Variants in ESRP2 observed in about 807,000 individuals in gnomAD.
ESRP2 encodes epithelial splicing regulatory protein 2.
Under a neutral mutation model 78.6 loss-of-function variants are expected in ESRP2, and 48 were observed. The observed-to-expected ratio is 0.61, with a 90% CI of 0.48 to 0.78. The LOEUF (loss-of-function observed/expected upper bound fraction) is 0.78. Ranked by LOEUF, ESRP2 falls within the 30% of genes least tolerant of loss-of-function variation. The pLI is 0.00. For synonymous variants in ESRP2, 383 were observed against 406.7 expected (o/e 0.94, Z 0.70); for missense variants, 863 against 965.9 (o/e 0.89, Z 1.41).
Position 68,236,094 on chromosome 16 carries a change from G to A in ESRP2, c.-49C>T, listed in dbSNP as rs1369544344. On this transcript the variant is annotated 5_prime_UTR_variant, in exon 1 of 15. Coordinates refer to ENST00000473183, the MANE Select transcript of ESRP2 (RefSeq NM_024939.3). This position sits in a 1 kb window ranked among gnomAD's most constrained non-coding sequence, Gnocchi z 5.2. ...GGCCAGACACGCGGACCGACGAGGC[G>A]CACGCACGCACCGACCGACCGCAGA... 7.3e-6 allele frequency: 10 copies of A among 1,370,354 alleles called. No homozygotes were observed. In the Admixed American group the frequency reaches 3.8e-4, roughly 53 times the overall value. 84.9% of individuals were successfully genotyped at this position (1,370,354 alleles called of 1,614,324 possible). A position where few individuals can be genotyped will look rare whatever the true frequency, so the allele number is the denominator to read the frequency against.
Position 68,231,428 on chromosome 16 carries a change from C to T in ESRP2, c.1513-52G>A. On this transcript the variant is annotated intron_variant, in intron 11 of 14. Transcript: ENST00000473183. This position sits in a 1 kb window ranked among gnomAD's most constrained non-coding sequence, Gnocchi z 6.0. Reference sequence around the variant, plus strand: ...TGTCATGTGTAAGAGTGCCTTACCCCTAACACACACCCCTTCCTATTTATG... The same window carrying T: ...TGTCATGTGTAAGAGTGCCTTACCCTTAACACACACCCCTTCCTATTTATG... The T allele has an allele frequency of 6.2e-7, 1 of 1,613,558 alleles. No individual in the cohort carries two copies. The highest frequency in any genetic ancestry group is 8.5e-7 in the Non-Finnish European group (1 of 1,179,582).
At chr16:68,233,971 C>T in intron 3 of ESRP2, 23 bp downstream of exon 3, 1 of 1,611,704 alleles carries the variant, frequency 6.2e-7, no homozygotes, top group East Asian at 2.2e-5. Flanking sequence ...CCCACCCCAC[C>T]CGGTTTTCCT....
At chr16:68,234,967 C>T (rs1229127013) in intron 2 of ESRP2, 1 of 221,374 alleles carries the variant, frequency 4.5e-6, no homozygotes, top group Non-Finnish European at 7.6e-6. Flanking sequence ...ACTAATTACA[C>T]TCAAGAGTCA....
Position 68,232,571 on chromosome 16 carries a change from A to G in ESRP2, c.821+6T>C, listed in dbSNP as rs2042159441. On this transcript the variant is annotated splice_donor_region_variant and intron_variant, in intron 7 of 14. Coordinates refer to ENST00000473183, the MANE Select transcript of ESRP2 (RefSeq NM_024939.3). The surrounding 1 kb of genome is among the most constrained non-coding windows in gnomAD (Gnocchi z 5.2). ...CAATTGGGCCCACCCACCCTGCCAC[A>G]CCCACCTGGCCACGTTGAGCCCTTT... 1.9e-6 allele frequency: 3 copies of G among 1,613,800 alleles called. No individual in the cohort carries two copies. The highest frequency in any genetic ancestry group is 2.7e-5 in the African/African-American group (2 of 74,922).
chr16:68,233,196 CAAAA>C (rs377116348), intron 5 of ESRP2, 127 bp downstream of exon 5: 602 of 519,054 alleles, frequency 1.2e-3, no homozygotes, highest in Non-Finnish European at 1.3e-3. Context: ...GAGACTGTCT[CAAAA>C]AAAAAAAAAA....
At chr16:68,233,114 G>A (rs1424157372) in intron 5 of ESRP2, 6 of 608,224 alleles carry the variant, frequency 9.9e-6, no homozygotes, top group South Asian at 6.1e-5. Context: ...CAGGAGAATC[G>A]CTTGAACCCG....
chr16:68,230,412 G>A lies in ESRP2; in HGVS notation c.2041C>T (p.Leu681Phe), dbSNP rs761278650. Reference sequence around the variant, plus strand: ...ACCTGGTAGGCCTGGAAGACGCTGAGCAGATCCTTCATACCAGCCGTGTAT... The same window carrying A: ...ACCTGGTAGGCCTGGAAGACGCTGAACAGATCCTTCATACCAGCCGTGTAT... ...VPYTAGMKDLLSVFQAYQLPA... is the reference protein window; with the variant it reads ...VPYTAGMKDLFSVFQAYQLPA... The change falls in exon 14 of 15, where the codon CTC becomes TTC. Residue 681 changes from leucine (L) to phenylalanine (F), a missense_variant. Coordinates refer to ENST00000473183, the MANE Select transcript of ESRP2 (RefSeq NM_024939.3). 8.1e-6 allele frequency: 13 copies of A among 1,613,612 alleles called. No individual in the cohort carries two copies. In the South Asian group the frequency reaches 1.3e-4, roughly 16 times the overall value.
In ESRP2 at chr16:68,234,013, T is replaced by G; in HGVS notation, c.422A>C (p.His141Pro). 6.2e-7 allele frequency: 1 copy of G among 1,613,948 alleles called. No homozygotes were observed. The highest frequency in any genetic ancestry group is 8.5e-7 in the Non-Finnish European group (1 of 1,179,964). ...DGQQLLRQVL[H>P]PEASRKNLVL... ...GCATACCTTCCTGGAGGCCTCGGGG[T>G]GCAGGACCTGTCGCAATAGCTGCTG... Residue 141 changes from histidine to proline, a missense_variant, in exon 3 of 15, where the codon CAC becomes CCC. Physicochemically the swap from His to Pro is moderately conservative, Grantham distance 77. Coordinates refer to ENST00000473183, the MANE Select transcript of ESRP2 (RefSeq NM_024939.3).
chr16:68,230,144 G>T lies in ESRP2; in HGVS notation c.*82C>A. The T allele has an allele frequency of 7.5e-7, 1 of 1,340,852 alleles. No individual in the cohort carries two copies. 83.1% of individuals were successfully genotyped at this position (1,340,852 alleles called of 1,614,324 possible). ...TGACAAGCCAGAAAGAAGCTACCAG[G>T]TTGAGGGTGCTGGTCTTCTGGACTC... On this transcript the variant is annotated 3_prime_UTR_variant, in exon 15 of 15. Transcript: ENST00000473183.
chr16:68,234,033 C>A lies in ESRP2; in HGVS notation c.402G>T (p.Gln134His), dbSNP rs1809949170. The change falls in exon 3 of 15, where the codon CAG (glutamine) becomes CAT (histidine). Residue 134 changes from glutamine to histidine, a missense_variant. Transcript: ENST00000473183. ...GPYMLCTDGQ[Q>H]LLRQVLHPEA... ...CGGGGTGCAGGACCTGTCGCAATAG[C>A]TGCTGCCCATCAGTGCAGAGCATGT... 4 of 1,613,980 alleles carry A rather than the reference C, an allele frequency of 2.5e-6. No homozygotes were observed. The highest frequency in any genetic ancestry group is 3.4e-6 in the Non-Finnish European group (4 of 1,179,998).
Position 68,232,027 on chromosome 16 carries a change from C to G in ESRP2, c.1074G>C (p.Ser358=), listed in dbSNP as rs199522914. 2.5e-6 allele frequency: 4 copies of G among 1,614,044 alleles called. No individual in the cohort carries two copies. Among genetic ancestry groups the G allele is most frequent in the Admixed American group, 1.7e-5 (1 of 60,010 alleles). The change falls in exon 10 of 15, where the codon TCG becomes TCC. Residue 358 remains serine (S), a synonymous_variant. Transcript: ENST00000473183. This position sits in a 1 kb window ranked among gnomAD's most constrained non-coding sequence, Gnocchi z 5.2. ...AGCCAAGCACGTCCGTTGGCCCAGC[C>G]GAGAAGGGCAGTCCCCGCAGCCGCA... ...VILRLRGLPF[S]AGPTDVLGFL...
Position 68,231,544 on chromosome 16 carries a change from A to G in ESRP2, c.1450T>C (p.Phe484Leu). The G allele has an allele frequency of 6.2e-7, 1 of 1,614,068 alleles. No homozygotes were observed. Among genetic ancestry groups the G allele is most frequent in the Middle Eastern group, 1.6e-4 (1 of 6,062 alleles). Residue 484 changes from phenylalanine (F) to leucine (L), a missense_variant, in exon 11 of 15, where the codon TTT (phenylalanine) becomes CTT (leucine). Coordinates refer to ENST00000473183, the MANE Select transcript of ESRP2 (RefSeq NM_024939.3). This position sits in a 1 kb window ranked among gnomAD's most constrained non-coding sequence, Gnocchi z 6.0. Reference protein sequence around the residue: ...YTATIEDILSFLGEAAADIRP... With the variant: ...YTATIEDILSLLGEAAADIRP... ...ATGTCAGCTGCTGCCTCCCCCAGAA[A>G]GCTCAGGATGTCTTCAATGGTGGCC...
Position 68,231,691 on chromosome 16 carries a change from A to C in ESRP2, c.1303T>G (p.Leu435Val). The change falls in exon 11 of 15, where the codon TTG (leucine) becomes GTG (valine). Residue 435 changes from leucine (L) to valine (V), a missense_variant. Leu to Val is a conservative substitution (Grantham distance 32). Coordinates refer to ENST00000473183, the MANE Select transcript of ESRP2 (RefSeq NM_024939.3). This position sits in a 1 kb window ranked among gnomAD's most constrained non-coding sequence, Gnocchi z 6.0. ...RSTAAEVQQVLNRYASGPLLP... is the reference protein window; with the variant it reads ...RSTAAEVQQVVNRYASGPLLP... Reference sequence around the variant, plus strand: ...AGTGGGCCGGATGCATAGCGGTTCAAGACCTAGTAAGGAAGGCAGCAACAG... The same window carrying C: ...AGTGGGCCGGATGCATAGCGGTTCACGACCTAGTAAGGAAGGCAGCAACAG... 3 of 1,602,458 alleles carry C rather than the reference A, an allele frequency of 1.9e-6. No homozygotes were observed. Among genetic ancestry groups the C allele is most frequent in the Non-Finnish European group, 2.6e-6 (3 of 1,172,164 alleles).
In ESRP2 at chr16:68,230,301, G is replaced by T; in HGVS notation, c.2079C>A (p.Asp693Glu). 6.2e-7 allele frequency: 1 copy of T among 1,614,258 alleles called. No individual in the cohort carries two copies. Among genetic ancestry groups the T allele is most frequent in the South Asian group, 1.1e-5 (1 of 91,084 alleles). ...CACCAACAGGCATCAGACTGGTGTA[G>T]TCATCAGCGGGTAGCTACAGAAGGG... Reference protein sequence around the residue: ...VFQAYQLPADDYTSLMPVGDP... With the variant: ...VFQAYQLPADEYTSLMPVGDP... Residue 693 changes from aspartate to glutamate, a missense_variant, in exon 15 of 15, where the codon GAC becomes GAA. Transcript: ENST00000473183.
Position 68,235,943 on chromosome 16 carries a change from C to G in ESRP2, c.103G>C (p.Gly35Arg), listed in dbSNP as rs764650345. ...CGTCCCAGCGCACCCGCCGTAGCCC[C>G]GAAGAGGACGACCAGTGATCCGGGC... ...PWPGSLVVLFGATAGALGRDL... is the reference protein window; with the variant it reads ...PWPGSLVVLFRATAGALGRDL... The change falls in exon 1 of 15, where the codon GGG (glycine) becomes CGG (arginine). Residue 35 changes from glycine (G) to arginine (R), a missense_variant. By Grantham distance (125) the Gly-to-Arg change is moderately radical. Transcript: ENST00000473183. The surrounding 1 kb of genome is among the most constrained non-coding windows in gnomAD (Gnocchi z 5.5). 3 of 1,611,356 alleles carry G rather than the reference C, an allele frequency of 1.9e-6. No homozygotes were observed. Among genetic ancestry groups the G allele is most frequent in the Non-Finnish European group, 2.5e-6 (3 of 1,179,440 alleles).
In ESRP2 at chr16:68,232,767, C is replaced by T. The variant is rs2042163446; in HGVS notation, c.704G>A (p.Gly235Glu). The change falls in exon 6 of 15, where the codon GGG (glycine) becomes GAG (glutamate). Residue 235 changes from glycine to glutamate, a missense_variant. Gly to Glu is a moderately conservative substitution (Grantham distance 98). Transcript: ENST00000473183. This position sits in a 1 kb window ranked among gnomAD's most constrained non-coding sequence, Gnocchi z 5.2. Reference sequence around the variant, plus strand: ...CCCCTGCTCCCACACTCACCAAGGCCCCGTCTCGTATTTCTGCTTTATCAC... The same window carrying T: ...CCCCTGCTCCCACACTCACCAAGGCTCCGTCTCGTATTTCTGCTTTATCAC... ...PEVIKQKYET[G>E]PCSKADVVDS... 1 of 1,614,140 alleles carries T rather than the reference C, an allele frequency of 6.2e-7. No individual in the cohort carries two copies. The highest frequency in any genetic ancestry group is 8.5e-7 in the Non-Finnish European group (1 of 1,180,050).
rs1257913110 is a variant in ESRP2 at position 68,235,149 on chromosome 16, T to G, written c.327+485A>C. The G allele has an allele frequency of 2.0e-6, 2 of 999,068 alleles. No homozygotes were observed. The highest frequency in any genetic ancestry group is 5.5e-5 in the Admixed American group (1 of 18,108). 61.9% of individuals were successfully genotyped at this position (999,068 alleles called of 1,614,324 possible). ...CCTGGCCAGCCGGCCGGGACAGGCC[T>G]AGACGAGCAGTTTACACCTGGCGGC... is the stretch of plus-strand genomic sequence containing the variant. On this transcript the variant is annotated intron_variant, in intron 2 of 14. Transcript: ENST00000473183. This position sits in a 1 kb window ranked among gnomAD's most constrained non-coding sequence, Gnocchi z 5.5.
At position 68,235,682 on chromosome 16, in the gene ESRP2, G is replaced by C; in HGVS notation, c.279C>G (p.Ser93Arg). The C allele has an allele frequency of 6.3e-7, 1 of 1,599,016 alleles. No individual in the cohort carries two copies. The highest frequency in any genetic ancestry group is 8.5e-7 in the Non-Finnish European group (1 of 1,178,370). The change falls in exon 2 of 15, where the codon AGC (serine) becomes AGG (arginine). Residue 93 changes from serine (S) to arginine (R), a missense_variant. Ser to Arg is a moderately radical substitution (Grantham distance 110). Transcript: ENST00000473183. This position sits in a 1 kb window ranked among gnomAD's most constrained non-coding sequence, Gnocchi z 5.5. ...STQCREASGL[S>R]ADSLARAEPL... is the part of the protein sequence containing the mutation. ...GCTCTGCCCGCGCCAGGCTGTCGGCGCTCAGGCCGCTCGCCTCGCGGCACT... is the reference window on the plus strand; with the variant it reads ...GCTCTGCCCGCGCCAGGCTGTCGGCCCTCAGGCCGCTCGCCTCGCGGCACT...
rs967919530 is a variant in ESRP2, at chr16:68,232,873, A to C, written c.656-58T>G. On this transcript the variant is annotated intron_variant, in intron 5 of 14. Transcript: ENST00000473183. The surrounding 1 kb of genome is among the most constrained non-coding windows in gnomAD (Gnocchi z 5.2). ...CTGGTGGAGAGGGGTGTCCCCACCAAGTTCTGCAAAAAGTGGACAATTGAG... is the reference window on the plus strand; with the variant it reads ...CTGGTGGAGAGGGGTGTCCCCACCACGTTCTGCAAAAAGTGGACAATTGAG... The C allele has an allele frequency of 6.2e-7, 1 of 1,609,830 alleles. No individual in the cohort carries two copies. The highest frequency in any genetic ancestry group is 8.5e-7 in the Non-Finnish European group (1 of 1,176,702).
Sources: gnomAD v4.1 joint callset for allele counts on GRCh38, gnomAD v4.1.1 for gene constraint, Gnocchi (gnomAD v3.1) non-coding constraint, MANE v1.5 for transcripts, NCBI Gene and HGNC (gene_info 2026-07-23, HGNC 2026-07-21) for gene names.